BMP2K: variants seen among roughly 807,000 people sequenced by gnomAD.
The protein encoded by BMP2K is BMP-2-inducible protein kinase.
BMP2K carries 74 observed loss-of-function variants against 116.0 expected under a neutral mutation model. The ratio of observed to expected loss-of-function variants is 0.64; its 90% confidence interval spans 0.53 to 0.77. BMP2K has a LOEUF of 0.77. Ranked by LOEUF, BMP2K falls within the 30% of genes least tolerant of loss-of-function variation. The pLI, the probability that BMP2K is intolerant of heterozygous loss-of-function variation, is 0.00. For missense variants in BMP2K, 1,365 were observed against 1,403.6 expected (o/e 0.97, Z 0.44); for synonymous variants, 486 against 502.5 (o/e 0.97, Z 0.44).
chr4:78,783,483 T>C lies in BMP2K; in HGVS notation c.178+6762T>C, dbSNP rs757812006. ...AGTATTCCAAAAAAACAGTGGAAATTTATAATGCATTTATCTCCAGTAAAG... is the reference window on the plus strand; with the variant it reads ...AGTATTCCAAAAAAACAGTGGAAATCTATAATGCATTTATCTCCAGTAAAG... On this transcript the variant is annotated intron_variant, in intron 1 of 15. Transcript: ENST00000502613. Among the ~76,000 whole-genome samples the C allele has an allele frequency of 2.0e-5, 3 of 152,162 alleles. 1 individual carries two copies. The South Asian group carries it at 6.2e-4, about 31-fold the overall frequency.
chr4:78,821,948 A>G (rs747308619), intron 1 of BMP2K, among the ~76,000 whole-genome samples: 1 of 152,242 alleles, frequency 6.6e-6, no homozygotes, highest in Non-Finnish European at 1.5e-5. Flanking sequence ...GCATGGAAAA[A>G]TAATTGCTTA....
At chr4:78,813,850 G>C (rs376574208) in intron 1 of BMP2K, among the ~76,000 whole-genome samples, 26 of 152,060 alleles carry the variant, frequency 1.7e-4, no homozygotes, top group African/African-American at 5.8e-4. Context: ...TATTTTACTT[G>C]TTTATTTTGT....
chr4:78,870,135 A>C (rs1435301608), intron 10 of BMP2K, among the ~76,000 whole-genome samples: 1 of 152,212 alleles, frequency 6.6e-6, no homozygotes, highest in Admixed American at 6.5e-5. Flanking sequence ...CCTAGGGTAT[A>C]ATTTATGGAG....
chr4:78,896,238 C>G (rs1427882225), intron 15 of BMP2K, among the ~76,000 whole-genome samples: 2 of 152,182 alleles, frequency 1.3e-5, no homozygotes, highest in African/African-American at 4.8e-5. Flanking sequence ...AGCCAGTGAT[C>G]AAACTATCAA....
At chr4:78,783,900 CTA>C (rs1727618132) in intron 1 of BMP2K, among the ~76,000 whole-genome samples, 1 of 152,144 alleles carries the variant, frequency 6.6e-6, no homozygotes, top group Non-Finnish European at 1.5e-5. Context: ...CTGTAGTCAA[CTA>C]TTGTGGTTAA....
intron 7 of BMP2K, 125 bp downstream of exon 7, chr4:78,851,181 G>GA: frequency 2.1e-6 from 2 of 967,528 alleles, no homozygotes; most frequent in South Asian, 2.4e-5. Flanking sequence ...CTATAGTAAA[G>GA]AAAAAAACAT....
intron 1 of BMP2K, among the ~76,000 whole-genome samples, chr4:78,803,408 T>G (rs1311270593): frequency 6.6e-6 from 1 of 152,116 alleles, no homozygotes; most frequent in Admixed American, 6.6e-5. Flanking sequence ...TTACTTTTTT[T>G]GGGGGGGATC....
chr4:78,861,685 A>G (rs531304177), intron 9 of BMP2K, among the ~76,000 whole-genome samples: 56 of 152,068 alleles, frequency 3.7e-4, no homozygotes, highest in South Asian at 3.1e-3. Context: ...TGTTCACTCT[A>G]TGACAAGTGA....
At chr4:78,803,767 T>A (rs1728685275) in intron 1 of BMP2K, among the ~76,000 whole-genome samples, 1 of 152,206 alleles carries the variant, frequency 6.6e-6, no homozygotes, top group Non-Finnish European at 1.5e-5. Flanking sequence ...CATTTTTCTG[T>A]TGTTTTCTAA....
chr4:78,796,559 T>A (rs1285275604), intron 1 of BMP2K, among the ~76,000 whole-genome samples: 1 of 152,180 alleles, frequency 6.6e-6, no homozygotes, highest in Non-Finnish European at 1.5e-5. Flanking sequence ...TTGCAGATGC[T>A]CTTTAGGAAA....
chr4:78,781,079 A>G (rs1188476560), intron 1 of BMP2K, among the ~76,000 whole-genome samples: 2 of 152,204 alleles, frequency 1.3e-5, no homozygotes, highest in Non-Finnish European at 2.9e-5. Context: ...ACTACAATGA[A>G]TGAATCACAT....
rs898215711 is a variant in BMP2K at position 78,879,513 on chromosome 4, T to C, written c.1951+622T>C. 4 of 815,140 alleles carry C rather than the reference T, an allele frequency of 4.9e-6. No homozygotes were observed. In the African/African-American group the frequency reaches 5.6e-5, roughly 11 times the overall value. 50.5% of individuals were successfully genotyped at this position (815,140 alleles called of 1,614,324 possible). On this transcript the variant is annotated intron_variant, in intron 14 of 15. Coordinates refer to ENST00000502613, the MANE Select transcript of BMP2K (RefSeq NM_198892.2). ...AATATATGTCAAGCTTCGCCACACA[T>C]ATTTTAGAAATGTCCTTTTTGAAAG... is the stretch of plus-strand genomic sequence containing the variant.
Position 78,800,758 on chromosome 4 carries a change from T to G in BMP2K, c.178+24037T>G, listed in dbSNP as rs551666849. On this transcript the variant is annotated intron_variant, in intron 1 of 15. Coordinates refer to ENST00000502613, the MANE Select transcript of BMP2K (RefSeq NM_198892.2). ...TATAAACATCTAAAAAATGGCAAAC[T>G]CAACTCATGTTAATGGTTTTAGATT... Among the ~76,000 whole-genome samples, 65 of 152,282 alleles carry G rather than the reference T, an allele frequency of 4.3e-4. No individual in the cohort carries two copies. The Middle Eastern group carries it at 0.01, about 24-fold the overall frequency.
At chr4:78,830,326 A>G (rs1730148973) in intron 2 of BMP2K, among the ~76,000 whole-genome samples, 1 of 152,200 alleles carries the variant, frequency 6.6e-6, no homozygotes, top group African/African-American at 2.4e-5. Flanking sequence ...CATGCTGGAA[A>G]CAGATGTAAT....
Position 78,844,318 on chromosome 4 carries a change from T to G in BMP2K, c.547-610T>G, listed in dbSNP as rs571200171. Among the ~76,000 whole-genome samples the G allele has an allele frequency of 1.2e-4, 18 of 150,056 alleles. No individual in the cohort carries two copies. In the South Asian group the frequency reaches 3.5e-3, roughly 29 times the overall value. The stretch of plus-strand genomic sequence containing the variant: ...AGTAGGAGATTGGGCTCTGAACCCA[T>G]ATTTTACTGTTCAAGAAACTGACTA... On this transcript the variant is annotated intron_variant, in intron 4 of 15. Transcript: ENST00000502613.
chr4:78,796,666 C>A (rs1040821468), intron 1 of BMP2K, among the ~76,000 whole-genome samples: 3 of 152,042 alleles, frequency 2.0e-5, no homozygotes, highest in African/African-American at 7.3e-5. Flanking sequence ...ATTTGAACAG[C>A]AATATATAAG....
chr4:78,894,105 G>A (rs62307964), intron 15 of BMP2K, among the ~76,000 whole-genome samples: 10,463 of 152,196 alleles, frequency 0.069, 497 homozygotes, highest in East Asian at 0.22. Context: ...TGTCATCCAG[G>A]CTTTGTTATT....
intron 1 of BMP2K, among the ~76,000 whole-genome samples, chr4:78,803,408 TG>T (rs905888092): frequency 3.3e-5 from 5 of 152,116 alleles, no homozygotes; most frequent in Admixed American, 6.6e-5. Context: ...TTACTTTTTT[TG>T]GGGGGGATCA....
At chr4:78,778,591 T>C (rs988160558) in intron 1 of BMP2K, among the ~76,000 whole-genome samples, 1 of 152,228 alleles carries the variant, frequency 6.6e-6, no homozygotes, top group Non-Finnish European at 1.5e-5. Flanking sequence ...AGGTTTTCTT[T>C]CCTTGTGTAT....
Sources: gnomAD v4.1 joint callset for allele counts (sites outside exome capture counted in the v4.1 genomes callset) on GRCh38, gnomAD v4.1.1 for gene constraint, MANE v1.5 for transcripts, NCBI Gene and HGNC (gene_info 2026-07-23, HGNC 2026-07-21) for gene names.